The following GLIPR1 variants were observed in gnomAD, a reference collection of about 807,000 sequenced individuals.
GLIPR1 encodes glioma pathogenesis-related protein 1.
GLIPR1 carries 38 observed loss-of-function variants against 30.3 expected under a neutral mutation model. That is an observed-to-expected ratio of 1.26 (90% CI 0.97 to 1.65). GLIPR1 has a LOEUF of 1.65. Among genes scored for constraint, GLIPR1 ranks in the 40% most tolerant of loss-of-function variants. The pLI, the probability that GLIPR1 is intolerant of heterozygous loss-of-function variation, is 0.00. For synonymous variants in GLIPR1, 122 were observed against 110.6 expected (o/e 1.10, Z -0.65); for missense variants, 285 against 326.5 (o/e 0.87, Z 0.98).
chr12:75,482,211 C>G, intron 2 of GLIPR1, 132 bp downstream of exon 2: 1 of 802,428 alleles, frequency 1.2e-6, no homozygotes, highest in Non-Finnish European at 2.0e-6. Flanking sequence ...AGAACAGCCT[C>G]CAAGAACAGA....
At position 75,499,317 on chromosome 12, in the gene GLIPR1, T is replaced by G. The variant is rs2046373758; in HGVS notation, c.*339T>G. 5.7e-6 allele frequency: 1 copy of G among 175,034 alleles called. No homozygotes were observed. Among genetic ancestry groups the G allele is most frequent in the African/African-American group, 2.4e-5 (1 of 42,456 alleles). 10.8% of individuals were successfully genotyped at this position (175,034 alleles called of 1,614,324 possible). On this transcript the variant is annotated 3_prime_UTR_variant, in exon 6 of 6. Coordinates refer to ENST00000266659, the MANE Select transcript of GLIPR1 (RefSeq NM_006851.3). Reference sequence around the variant, plus strand: ...AGCCTTCATTAGTTAAAAACATTATTATTTTTTGCATGCTGCTTCGACTCT... The same window carrying G: ...AGCCTTCATTAGTTAAAAACATTATGATTTTTTGCATGCTGCTTCGACTCT...
In GLIPR1 at chr12:75,499,870, G is replaced by T. The variant is rs760760484; in HGVS notation, c.*892G>T. ...CATCTTAAGTGCAATTTCTTCAGCT[G>T]TAAGAGCTCCCAGTTTCTTATTCTT... On this transcript the variant is annotated 3_prime_UTR_variant, in exon 6 of 6. Transcript: ENST00000266659. 4 of 1,608,690 alleles carry T rather than the reference G, an allele frequency of 2.5e-6. No individual in the cohort carries two copies. The highest frequency in any genetic ancestry group is 3.4e-6 in the Non-Finnish European group (4 of 1,177,648).
chr12:75,488,570 C>CA (rs1309898990), intron 2 of GLIPR1, among the ~76,000 whole-genome samples: 17 of 152,162 alleles, frequency 1.1e-4, no homozygotes, highest in African/African-American at 3.9e-4. Flanking sequence ...AAAACCACAA[C>CA]AAAAAAACAC....
In GLIPR1 at chr12:75,498,985, T is replaced by TCAGGAAAGAAAA; in HGVS notation, c.*8_*19dup. On this transcript the variant is annotated 3_prime_UTR_variant, in exon 6 of 6. Transcript: ENST00000266659. ...TTTAGTTCTTTTGGACTAATACAAT[T>TCAGGAAAGAAAA]CAGGAAAGAAAAAACCCAAAAACCA... 6.5e-7 allele frequency: 1 copy of TCAGGAAAGAAAA among 1,544,506 alleles called. No individual in the cohort carries two copies. Among genetic ancestry groups the TCAGGAAAGAAAA allele is most frequent in the South Asian group, 1.3e-5 (1 of 79,946 alleles).
Position 75,500,616 on chromosome 12 carries a change from GTGTGTGGAAGTCCCCC to G in GLIPR1, c.*1640_*1655del, listed in dbSNP as rs1257254297. On this transcript the variant is annotated 3_prime_UTR_variant, in exon 6 of 6. Coordinates refer to ENST00000266659, the MANE Select transcript of GLIPR1 (RefSeq NM_006851.3). ...TGGTAATAAAGACAATAATTTGAGA[GTGTGTGGAAGTCCCCC>G]TAATAGAAGCCAACTATCTAATCAA... The G allele has an allele frequency of 6.6e-6, 1 of 151,916 alleles. No individual in the cohort carries two copies. Among genetic ancestry groups the G allele is most frequent in the Non-Finnish European group, 1.5e-5 (1 of 67,926 alleles). The allele number at this position is 151,916 out of a possible 1,614,324, so 9.4% of individuals were successfully genotyped here.
At position 75,501,693 on chromosome 12, in the gene GLIPR1, T is replaced by G; in HGVS notation, c.*2715T>G. ...TTATGGGTTTACTTTTCCTAATTAA[T>G]AAAGACTTTTACATCATAGAAAGCA... On this transcript the variant is annotated 3_prime_UTR_variant, in exon 6 of 6. Coordinates refer to ENST00000266659, the MANE Select transcript of GLIPR1 (RefSeq NM_006851.3). The G allele has an allele frequency of 7.1e-7, 1 of 1,409,528 alleles. No homozygotes were observed. The highest frequency in any genetic ancestry group is 1.4e-5 in the African/African-American group (1 of 69,790). 87.3% of individuals were successfully genotyped at this position (1,409,528 alleles called of 1,614,324 possible).
chr12:75,485,557 A>ATTTATTTATTTATTTATTTC (rs1481453592), intron 2 of GLIPR1, among the ~76,000 whole-genome samples: 5 of 148,204 alleles, frequency 3.4e-5, no homozygotes, highest in Admixed American at 1.3e-4. Flanking sequence ...TTATTTATTT[A>ATTTATTTATTTATTTATTTC]TTTATTTTTT....
In GLIPR1 at chr12:75,498,852, G is replaced by A. The variant is rs199968151; in HGVS notation, c.675G>A (p.Trp225Ter). 3.3e-5 allele frequency: 54 copies of A among 1,612,010 alleles called. No homozygotes were observed. The highest frequency in any genetic ancestry group is 6.7e-5 in the Admixed American group (4 of 59,912). The stretch of plus-strand genomic sequence containing the variant: ...ACTACTCTGTTGTATATCCAGGCTG[G>A]CCCATATATCCACGTAACAGATACA... ...KRYYSVVYPG[W>*]PIYPRNRYTS... Residue 225 changes from tryptophan to a stop codon, truncating the protein, a stop_gained, in exon 6 of 6, where the codon TGG (tryptophan) becomes TGA (stop). Coordinates refer to ENST00000266659, the MANE Select transcript of GLIPR1 (RefSeq NM_006851.3). LOFTEE classifies it low-confidence loss of function (END_TRUNC).
At position 75,501,400 on chromosome 12, in the gene GLIPR1, A is replaced by G; in HGVS notation, c.*2422A>G. The G allele has an allele frequency of 4.4e-6, 1 of 229,428 alleles. No individual in the cohort carries two copies. The highest frequency in any genetic ancestry group is 1.0e-4 in the East Asian group (1 of 9,944). 14.2% of individuals were successfully genotyped at this position (229,428 alleles called of 1,614,324 possible). A position where few individuals can be genotyped will look rare whatever the true frequency, so the allele number is the denominator to read the frequency against. ...ATAATTCCTCTTTGAGAGGCATGAC[A>G]GCAGAGCTCAGGGATCTTCTTGCAT... On this transcript the variant is annotated 3_prime_UTR_variant, in exon 6 of 6. Transcript: ENST00000266659.
chr12:75,488,131 T>C (rs1275969946), intron 2 of GLIPR1, among the ~76,000 whole-genome samples: 2 of 152,166 alleles, frequency 1.3e-5, no homozygotes, highest in Admixed American at 1.3e-4. Context: ...CGCAAGGTCT[T>C]TGACCTGTAT....
chr12:75,485,928 C>A (rs957121208), intron 2 of GLIPR1, among the ~76,000 whole-genome samples: 15 of 151,950 alleles, frequency 9.9e-5, no homozygotes, highest in South Asian at 2.1e-4. Flanking sequence ...GAGCTCATAC[C>A]GAGAATTGAA....
rs1316903259 is a variant in GLIPR1 at position 75,498,686 on chromosome 12, C to CTT, written c.620-6_620-5dup. The CTT allele has an allele frequency of 3.7e-6, 6 of 1,610,758 alleles. No individual in the cohort carries two copies. The African/African-American group carries it at 4.0e-5, about 11-fold the overall frequency. On this transcript the variant is annotated splice_region_variant and splice_polypyrimidine_tract_variant and intron_variant, in intron 4 of 5. Transcript: ENST00000266659. ...AATTTTTTTTCTTTCTTCCCCCTAA[C>CTT]TTTACAGTTAACCGACAGCGAGACC...
chr12:75,482,730 T>TA (rs1213893374), intron 2 of GLIPR1, among the ~76,000 whole-genome samples: 5 of 145,524 alleles, frequency 3.4e-5, no homozygotes, highest in African/African-American at 1.3e-4. Flanking sequence ...TTTTTTTTTT[T>TA]AATTTTTACT....
Position 75,481,819 on chromosome 12 carries a change from T to C in GLIPR1, c.175-15T>C, listed in dbSNP as rs1408516979. 1.9e-6 allele frequency: 3 copies of C among 1,612,908 alleles called. No homozygotes were observed. Among genetic ancestry groups the C allele is most frequent in the Admixed American group, 3.3e-5 (2 of 59,970 alleles). ...TTCAGATGAACCCCCTATTGTTTAA[T>C]GTTTATTTTTGCAGACTTGGGACCC... On this transcript the variant is annotated splice_polypyrimidine_tract_variant and intron_variant, in intron 1 of 5. Coordinates refer to ENST00000266659, the MANE Select transcript of GLIPR1 (RefSeq NM_006851.3).
chr12:75,495,620 A>G lies in GLIPR1; in HGVS notation c.577A>G (p.Ser193Gly). 1 of 1,611,844 alleles carries G rather than the reference A, an allele frequency of 6.2e-7. No homozygotes were observed. The highest frequency in any genetic ancestry group is 8.5e-7 in the Non-Finnish European group (1 of 1,177,982). The change falls in exon 4 of 6, where the codon AGT becomes GGT. Residue 193 changes from serine to glycine, a missense_variant. Transcript: ENST00000266659. ...TWPYKRGATCSACPNNDKCLD... is the reference protein window; with the variant it reads ...TWPYKRGATCGACPNNDKCLD... ...GCCATATAAGAGAGGAGCCACCTGC[A>G]GTGCCTGCCCCAATAATGACAAGTG...
chr12:75,481,281 C>G, intron 1 of GLIPR1: 1 of 368,932 alleles, frequency 2.7e-6, no homozygotes, highest in Non-Finnish European at 4.8e-6. Context: ...TGGACACTTC[C>G]TGTTTTCTGG....
rs751449948 is a variant in GLIPR1 at position 75,499,893 on chromosome 12, C to A, written c.*915C>A. 1.1e-5 allele frequency: 17 copies of A among 1,608,884 alleles called. No individual in the cohort carries two copies. In the African/African-American group the frequency reaches 1.5e-4, roughly 14 times the overall value. On this transcript the variant is annotated 3_prime_UTR_variant, in exon 6 of 6. Transcript: ENST00000266659. ...CTGTAAGAGCTCCCAGTTTCTTATT[C>A]TTTGCTTTCTTAACCTTTTCCTTGA...
intron 2 of GLIPR1, among the ~76,000 whole-genome samples, chr12:75,483,234 T>G (rs933933301): frequency 1.3e-5 from 2 of 152,220 alleles, no homozygotes; most frequent in Non-Finnish European, 2.9e-5. Context: ...TTCCTTGGAT[T>G]CCAACAAGAC....
intron 2 of GLIPR1, among the ~76,000 whole-genome samples, chr12:75,482,849 G>C (rs1223652214): frequency 1.3e-5 from 2 of 151,844 alleles, no homozygotes; most frequent in African/African-American, 4.8e-5. Context: ...TCCTGTCCTG[G>C]CTACATTTTG....
Sources: allele counts gnomAD v4.1 joint callset (sites outside exome capture counted in the v4.1 genomes callset), GRCh38; gene constraint gnomAD v4.1.1; transcripts MANE v1.5; gene names NCBI Gene and HGNC (gene_info 2026-07-23, HGNC 2026-07-21).